XXYLT1: variants seen among roughly 807,000 people sequenced by gnomAD.
XXYLT1 encodes the protein xyloside xylosyltransferase 1, also known as UDP-xylose:alpha-xyloside alpha-1,3-xylosyltransferase.
In XXYLT1, 20 loss-of-function variants were observed where a neutral mutation model predicts 28.9. The ratio of observed to expected loss-of-function variants is 0.69; its 90% CI spans 0.49 to 1.00. The LOEUF is 1.00. Ranked by LOEUF, XXYLT1 falls within the 50% of genes least tolerant of loss-of-function variation. XXYLT1 has a pLI of 0.00. For missense variants in XXYLT1, 542 were observed against 560.1 expected, an observed-to-expected ratio of 0.97 and a Z score of 0.33; for synonymous variants, 257 against 253.8, an observed-to-expected ratio of 1.01 and a Z score of -0.12.
intron 1 of XXYLT1, among the ~76,000 whole-genome samples, chr3:195,252,727 C>CACACACACACACAGAG (rs1191544595): frequency 8.4e-6 from 1 of 119,082 alleles, no homozygotes; most frequent in East Asian, 2.3e-4. Context: ...CACACACACA[C>CACACACACACACAGAG]AGAGAGAGAG....
chr3:195,094,899 A>G (rs1716337237), intron 3 of XXYLT1, among the ~76,000 whole-genome samples: 1 of 152,180 alleles, frequency 6.6e-6, no homozygotes, highest in Non-Finnish European at 1.5e-5. Context: ...TTTCTCAGCT[A>G]ACCCCACTGG....
At position 195,076,511 on chromosome 3, in the gene XXYLT1, C is replaced by T. The variant is rs577441851; in HGVS notation, c.786-6400G>A. Among the ~76,000 whole-genome samples the T allele has an allele frequency of 1.3e-5, 2 of 152,294 alleles. No individual in the cohort carries two copies. Among genetic ancestry groups the T allele is most frequent in the East Asian group, 3.9e-4 (2 of 5,170 alleles). On this transcript the variant is annotated intron_variant, in intron 3 of 3. Transcript: ENST00000310380. The surrounding 1 kb of genome is among the most constrained non-coding windows in gnomAD (Gnocchi z 5.3). Reference sequence around the variant, plus strand: ...AGAGTTGCCCCTGTTACAGCCTGCACAGTGGGCCTCATTTTTACCTAAAGA... The same window carrying T: ...AGAGTTGCCCCTGTTACAGCCTGCATAGTGGGCCTCATTTTTACCTAAAGA...
rs369298362 is a variant in XXYLT1 at position 195,156,577 on chromosome 3, G to A, written c.657C>T (p.Ile219=). Residue 219 remains isoleucine, a synonymous_variant, in exon 3 of 4, where the codon ATC becomes ATT. Coordinates refer to ENST00000310380, the MANE Select transcript of XXYLT1 (RefSeq NM_152531.5). ...VAMHQIMPKE[I]LQIIQLDLDL... is the part of the protein sequence containing the mutation. ...CTAGGTCCAGCTGAATGATCTGCAG[G>A]ATCTCTGCGGGAAAGAGAAAAGGAC... The A allele has an allele frequency of 2.7e-5, 44 of 1,614,032 alleles. No homozygotes were observed. Among genetic ancestry groups the A allele is most frequent in the Non-Finnish European group, 3.6e-5 (42 of 1,180,026 alleles).
At position 195,196,735 on chromosome 3, in the gene XXYLT1, A is replaced by T. The variant is rs140356377; in HGVS notation, c.652+29974T>A. 3.7e-4 allele frequency among the ~76,000 whole-genome samples: 56 copies of T among 152,342 alleles called. 1 individual carries two copies. The highest frequency in any genetic ancestry group is 1.3e-3 in the African/African-American group (52 of 41,576). On this transcript the variant is annotated intron_variant, in intron 2 of 3. Transcript: ENST00000310380. ...CGTGTAAAAGCAAATGTAACAGGATAAGAAAAGAAGATAACTGAAAACGGC... is the reference window on the plus strand; with the variant it reads ...CGTGTAAAAGCAAATGTAACAGGATTAGAAAAGAAGATAACTGAAAACGGC...
chr3:195,206,087 C>T (rs987541969), intron 2 of XXYLT1, among the ~76,000 whole-genome samples: 3 of 146,426 alleles, frequency 2.0e-5, no homozygotes, highest in Admixed American at 6.9e-5. Flanking sequence ...TGCAGTGGCA[C>T]GATCTCAGCT....
At chr3:195,261,231 G>C (rs565650121) in intron 1 of XXYLT1, among the ~76,000 whole-genome samples, 33 of 152,304 alleles carry the variant, frequency 2.2e-4, no homozygotes, top group Non-Finnish European at 3.5e-4. Context: ...TCAGGAGTTC[G>C]AGCCCAGCCT....
Position 195,210,142 on chromosome 3 carries a change from C to T in XXYLT1, c.652+16567G>A, listed in dbSNP as rs1264607648. On this transcript the variant is annotated intron_variant, in intron 2 of 3. Transcript: ENST00000310380. The surrounding 1 kb of genome is among the most constrained non-coding windows in gnomAD (Gnocchi z 4.8). ...CCCTCCCCCAGCCTTCACCCCAAGC[C>T]TTCAAGGCTAACCTCTCCTCATCCT... Among the ~76,000 whole-genome samples the T allele has an allele frequency of 6.6e-6, 1 of 152,224 alleles. No homozygotes were observed. The highest frequency in any genetic ancestry group is 1.5e-5 in the Non-Finnish European group (1 of 68,038).
chr3:195,166,673 T>C lies in XXYLT1; in HGVS notation c.653-10092A>G, dbSNP rs12491716. Among the ~76,000 whole-genome samples, 407 of 138,014 alleles carry C rather than the reference T, an allele frequency of 2.9e-3. 9 individuals carry two copies. The highest frequency in any genetic ancestry group is 0.028 in the Admixed American group (395 of 13,946). The allele number at this position is 138,014 out of a possible 152,430, so 90.5% of individuals were successfully genotyped here. ...AGGACAATTTGGGGAATATGGGCCA[T>C]TTTTTTTTTTATTGATTTATTGATT... On this transcript the variant is annotated intron_variant, in intron 2 of 3. Coordinates refer to ENST00000310380, the MANE Select transcript of XXYLT1 (RefSeq NM_152531.5).
chr3:195,196,025 C>A (rs1722610054), intron 2 of XXYLT1, among the ~76,000 whole-genome samples: 1 of 152,174 alleles, frequency 6.6e-6, no homozygotes, highest in Non-Finnish European at 1.5e-5. Flanking sequence ...TCCAAGGCCC[C>A]TCAATGTTGG....
At chr3:195,105,887 T>G (rs1305406530) in intron 3 of XXYLT1, among the ~76,000 whole-genome samples, 1 of 152,220 alleles carries the variant, frequency 6.6e-6, no homozygotes, top group African/African-American at 2.4e-5. Flanking sequence ...TTCCATGGCA[T>G]ACTTCTTATT....
Position 195,085,171 on chromosome 3 carries a change from T to C in XXYLT1, c.786-15060A>G, listed in dbSNP as rs150303742. 1.7e-4 allele frequency among the ~76,000 whole-genome samples: 26 copies of C among 152,312 alleles called. 1 individual carries two copies. The East Asian group carries it at 4.1e-3, about 24-fold the overall frequency. The stretch of plus-strand genomic sequence containing the variant: ...AATGATTGCCATATGAAAGTTCAAG[T>C]TGGGGACAAAAGGGGCTGAGTGAGG... On this transcript the variant is annotated intron_variant, in intron 3 of 3. Coordinates refer to ENST00000310380, the MANE Select transcript of XXYLT1 (RefSeq NM_152531.5).
In XXYLT1 at chr3:195,107,271, C is replaced by T. The variant is rs1394318384; in HGVS notation, c.786-37160G>A. ...GGCGGATCACCTGAGGTCGGGAGTT[C>T]GAGACCAGCCTGACCAAGATGGCGA... On this transcript the variant is annotated intron_variant, in intron 3 of 3. Transcript: ENST00000310380. 5.3e-5 allele frequency among the ~76,000 whole-genome samples: 8 copies of T among 151,530 alleles called. No homozygotes were observed. In the East Asian group the frequency reaches 5.9e-4, roughly 11 times the overall value.
rs539768125 is a variant in XXYLT1 at position 195,192,716 on chromosome 3, G to A, written c.652+33993C>T. Among the ~76,000 whole-genome samples, 14 of 152,306 alleles carry A rather than the reference G, an allele frequency of 9.2e-5. No homozygotes were observed. The East Asian group carries it at 2.1e-3, about 23-fold the overall frequency. On this transcript the variant is annotated intron_variant, in intron 2 of 3. Coordinates refer to ENST00000310380, the MANE Select transcript of XXYLT1 (RefSeq NM_152531.5). ...CTAAGGTTGGGAACAAGGCAAGGAC[G>A]TCTGCTATTGCCATTTCTATTCTAC...
chr3:195,096,946 A>G (rs1170426954), intron 3 of XXYLT1, among the ~76,000 whole-genome samples: 2 of 152,162 alleles, frequency 1.3e-5, no homozygotes, highest in Non-Finnish European at 2.9e-5. Context: ...TTGTTTCCCA[A>G]TTTAATAAGA....
chr3:195,180,224 C>T lies in XXYLT1; in HGVS notation c.653-23643G>A. On this transcript the variant is annotated intron_variant, in intron 2 of 3. Transcript: ENST00000310380. The surrounding 1 kb of genome is among the most constrained non-coding windows in gnomAD (Gnocchi z 5.8). ...TGCACAGTCATTTCTAACGCCAGAT[C>T]CCCGTCTCTGCACTGACACCGGGGG... 1.3e-6 allele frequency: 1 copy of T among 768,686 alleles called. No homozygotes were observed. The highest frequency in any genetic ancestry group is 1.6e-6 in the Non-Finnish European group (1 of 634,518). The allele number at this position is 768,686 out of a possible 1,614,324, so 47.6% of individuals were successfully genotyped here. A position where few individuals can be genotyped will look rare whatever the true frequency, so the allele number is the denominator to read the frequency against.
Position 195,171,810 on chromosome 3 carries a change from T to A in XXYLT1, c.653-15229A>T, listed in dbSNP as rs184358072. Among the ~76,000 whole-genome samples the A allele has an allele frequency of 2.6e-3, 395 of 152,336 alleles. 3 individuals carry two copies. The highest frequency in any genetic ancestry group is 2.4e-3 in the Non-Finnish European group (164 of 68,022). On this transcript the variant is annotated intron_variant, in intron 2 of 3. Transcript: ENST00000310380. The stretch of plus-strand genomic sequence containing the variant: ...TCTAGTCCAATATCAAGAGATGAGG[T>A]TGCCTCTGTGCAATTCATACAACAG...
chr3:195,187,694 T>C (rs374531523), intron 2 of XXYLT1, among the ~76,000 whole-genome samples: 2 of 152,202 alleles, frequency 1.3e-5, no homozygotes, highest in East Asian at 1.9e-4. Flanking sequence ...TCCCAGTTGA[T>C]TGAAACTTTT....
chr3:195,264,418 G>A (rs1577210870), intron 1 of XXYLT1, among the ~76,000 whole-genome samples: 1 of 152,224 alleles, frequency 6.6e-6, no homozygotes, highest in Non-Finnish European at 1.5e-5. Flanking sequence ...GAGGGCTGTG[G>A]CTCCCTCACT....
At chr3:195,246,166 C>A (rs1008610318) in intron 1 of XXYLT1, among the ~76,000 whole-genome samples, 1 of 152,154 alleles carries the variant, frequency 6.6e-6, no homozygotes, top group South Asian at 2.1e-4. Flanking sequence ...CTAAAATAAA[C>A]CCCTTCTCTC....
Sources: gnomAD v4.1 joint callset for allele counts (sites outside exome capture counted in the v4.1 genomes callset) on GRCh38, gnomAD v4.1.1 for gene constraint, Gnocchi (gnomAD v3.1) non-coding constraint, MANE v1.5 for transcripts, NCBI Gene and HGNC (gene_info 2026-07-23, HGNC 2026-07-21) for gene names.